The following TRIM46 variants were observed in gnomAD, a reference collection of about 807,000 sequenced individuals.
The protein encoded by TRIM46 is tripartite motif-containing protein 46.
In TRIM46, 17 loss-of-function variants were observed where a neutral mutation model predicts 69.7. That is an observed-to-expected ratio of 0.24 (90% CI 0.17 to 0.37). TRIM46 has a LOEUF of 0.37. Among genes scored for constraint, TRIM46 ranks in the 10% least tolerant of loss-of-function variants. TRIM46 has a pLI of 1.00. For synonymous variants in TRIM46, 391 were observed against 429.0 expected, an observed-to-expected ratio of 0.91 and a Z score of 1.09; for missense variants, 675 against 1,025.1, an observed-to-expected ratio of 0.66 and a Z score of 4.66.
At chr1:155,176,813 C>T (rs1665691792) in intron 3 of TRIM46, 119 bp from the exon 4 acceptor site, 1 of 1,289,676 alleles carries the variant, frequency 7.8e-7, no homozygotes, top group South Asian at 1.3e-5. Context: ...GGAGCACCAC[C>T]AGCGGATGTC....
At chr1:155,176,553 A>G (rs1665667897) in intron 3 of TRIM46, among the ~76,000 whole-genome samples, 1 of 152,266 alleles carries the variant, frequency 6.6e-6, no homozygotes, top group Non-Finnish European at 1.5e-5. Flanking sequence ...GCATTCACTC[A>G]CTGAACAAAT....
Position 155,181,197 on chromosome 1 carries a change from G to T in TRIM46, c.1589-655G>T, listed in dbSNP as rs974205470. Among the ~76,000 whole-genome samples, 1 of 152,158 alleles carries T rather than the reference G, an allele frequency of 6.6e-6. No individual in the cohort carries two copies. The highest frequency in any genetic ancestry group is 2.4e-5 in the African/African-American group (1 of 41,414). On this transcript the variant is annotated intron_variant, in intron 8 of 9. Coordinates refer to ENST00000334634, the MANE Select transcript of TRIM46 (RefSeq NM_025058.5). This position sits in a 1 kb window ranked among gnomAD's most constrained non-coding sequence, Gnocchi z 4.3. ...AGGGGTTGCAGTGAGCCAAGATTGC[G>T]CCACTGCACTCCAGCCTGGGGAACA...
intron 8 of TRIM46, chr1:155,180,290 G>T: frequency 2.9e-6 from 1 of 342,364 alleles, no homozygotes; most frequent in South Asian, 9.2e-5. Flanking sequence ...AACACAGCGA[G>T]ACCCGATCTC....
intron 4 of TRIM46, 55 bp downstream of exon 4, chr1:155,177,130 A>T: frequency 1.9e-6 from 3 of 1,613,564 alleles, no homozygotes; most frequent in Non-Finnish European, 2.5e-6. Context: ...ACCCTCTTGC[A>T]CCTCCTCCCA....
rs575185259 is a variant in TRIM46 at position 155,181,423 on chromosome 1, C to A, written c.1589-429C>A. ...CCAGGGGGTGGGCATAAGAGGGAAG[C>A]CTTGCCACCCAAATAGGGGCTGGGT... On this transcript the variant is annotated intron_variant, in intron 8 of 9. Transcript: ENST00000334634. The surrounding 1 kb of genome is among the most constrained non-coding windows in gnomAD (Gnocchi z 4.3). 6.6e-6 allele frequency among the ~76,000 whole-genome samples: 1 copy of A among 152,152 alleles called. No individual in the cohort carries two copies. Among genetic ancestry groups the A allele is most frequent in the South Asian group, 2.1e-4 (1 of 4,810 alleles).
At chr1:155,178,318 C>T in intron 6 of TRIM46, 63 bp downstream of exon 6, 1 of 1,559,412 alleles carries the variant, frequency 6.4e-7, no homozygotes, top group Non-Finnish European at 8.7e-7. Context: ...ACATCTAGGA[C>T]AATGTCTACA....
rs772925930 is a variant in TRIM46 at position 155,179,882 on chromosome 1, C to T, written c.1536C>T (p.Ala512=). 50 of 1,608,552 alleles carry T rather than the reference C, an allele frequency of 3.1e-5. No individual in the cohort carries two copies. The highest frequency in any genetic ancestry group is 5.3e-5 in the African/African-American group (4 of 74,872). ...YVLRVRGCNK[A]GYGEYSEDVH... ...TGCGTGTCCGCGGCTGCAACAAGGCCGGCTACGGCGAATACAGTGAAGATG... is the reference window on the plus strand; with the variant it reads ...TGCGTGTCCGCGGCTGCAACAAGGCTGGCTACGGCGAATACAGTGAAGATG... Residue 512 remains alanine, a synonymous_variant, in exon 8 of 10, where the codon GCC becomes GCT. Transcript: ENST00000334634.
intron 8 of TRIM46, chr1:155,180,553 C>A: frequency 3.2e-6 from 1 of 311,416 alleles, no homozygotes; most frequent in Non-Finnish European, 5.9e-6. Context: ...TGAGATCGCG[C>A]CACTGGACTC....
rs1666196815 is a variant in TRIM46, at chr1:155,181,859, C to T, written c.1596C>T (p.His532=). 6.2e-7 allele frequency: 1 copy of T among 1,610,538 alleles called. No individual in the cohort carries two copies. The highest frequency in any genetic ancestry group is 8.5e-7 in the Non-Finnish European group (1 of 1,177,412). Residue 532 remains histidine, a synonymous_variant, in exon 9 of 10, where the codon CAC becomes CAT. Coordinates refer to ENST00000334634, the MANE Select transcript of TRIM46 (RefSeq NM_025058.5). This position sits in a 1 kb window ranked among gnomAD's most constrained non-coding sequence, Gnocchi z 4.3. ...HLHTPPAPVL[H]FFLDSRWGAS... is the part of the protein sequence containing the mutation. ...CCCTCTCCCTCCTTCCAGTCCTGCACTTCTTCCTCGATAGCCGCTGGGGCG... is the reference window on the plus strand; with the variant it reads ...CCCTCTCCCTCCTTCCAGTCCTGCATTTCTTCCTCGATAGCCGCTGGGGCG...
At position 155,175,249 on chromosome 1, in the gene TRIM46, G is replaced by A; in HGVS notation, c.64-137G>A. ...GGGAAGGTCTGTGAACCAGCCCAAGGCAGGTGCTCTGGAAAAGCTGCAGGT... is the reference window on the plus strand; with the variant it reads ...GGGAAGGTCTGTGAACCAGCCCAAGACAGGTGCTCTGGAAAAGCTGCAGGT... On this transcript the variant is annotated intron_variant, in intron 1 of 9. Transcript: ENST00000334634. This position sits in a 1 kb window ranked among gnomAD's most constrained non-coding sequence, Gnocchi z 4.2. The A allele has an allele frequency of 2.0e-6, 3 of 1,530,470 alleles. No homozygotes were observed. The highest frequency in any genetic ancestry group is 2.6e-6 in the Non-Finnish European group (3 of 1,149,592). The allele number at this position is 1,530,470 out of a possible 1,614,324, so 94.8% of individuals were successfully genotyped here. A position where few individuals can be genotyped will look rare whatever the true frequency, so the allele number is the denominator to read the frequency against.
Position 155,178,035 on chromosome 1 carries a change from C to A in TRIM46, c.943C>A (p.Gln315Lys). 1 of 1,613,578 alleles carries A rather than the reference C, an allele frequency of 6.2e-7. No homozygotes were observed. Among genetic ancestry groups the A allele is most frequent in the Non-Finnish European group, 8.5e-7 (1 of 1,179,964 alleles). Residue 315 changes from glutamine (Q) to lysine (K), a missense_variant, in exon 6 of 10, where the codon CAG becomes AAG. Gln to Lys is a moderately conservative substitution (Grantham distance 53). Around this residue, in one of 5 missense-constraint regions of TRIM46, gnomAD observed 361 missense variants for 498.3 expected, o/e 0.72. Coordinates refer to ENST00000334634, the MANE Select transcript of TRIM46 (RefSeq NM_025058.5). Reference protein sequence around the residue: ...SGQQAKEEVSQLVRGLGAVLE... With the variant: ...SGQQAKEEVSKLVRGLGAVLE... Reference sequence around the variant, plus strand: ...TCAGCAGGCCAAGGAGGAGGTGTCGCAGCTGGTGCGGGGGCTGGGGGCTGT... The same window carrying A: ...TCAGCAGGCCAAGGAGGAGGTGTCGAAGCTGGTGCGGGGGCTGGGGGCTGT...
At position 155,178,140 on chromosome 1, in the gene TRIM46, A is replaced by C; in HGVS notation, c.1048A>C (p.Ile350Leu). 1 of 1,614,136 alleles carries C rather than the reference A, an allele frequency of 6.2e-7. No homozygotes were observed. The highest frequency in any genetic ancestry group is 8.5e-7 in the Non-Finnish European group (1 of 1,180,006). Residue 350 changes from isoleucine (I) to leucine (L), a missense_variant, in exon 6 of 10, where the codon ATC (isoleucine) becomes CTC (leucine). Ile to Leu is a conservative substitution (Grantham distance 5, BLOSUM62 2). Around this residue, in one of 5 missense-constraint regions of TRIM46, gnomAD observed 361 missense variants for 498.3 expected, o/e 0.72. Transcript: ENST00000334634. ...GCGGCTGGCCCGTCTCAGCGCCCAG[A>C]TCCAGGAGCACCGGAGCCTGCTGGA... ...QERLARLSAQ[I>L]QEHRSLLDGS...
In TRIM46 at chr1:155,178,936, T is replaced by C. The variant is rs933680907; in HGVS notation, c.1285+323T>C. 5 of 958,154 alleles carry C rather than the reference T, an allele frequency of 5.2e-6. No individual in the cohort carries two copies. In the Admixed American group the frequency reaches 1.2e-4, roughly 23 times the overall value. 59.4% of individuals were successfully genotyped at this position (958,154 alleles called of 1,614,324 possible). On this transcript the variant is annotated intron_variant, in intron 7 of 9. Coordinates refer to ENST00000334634, the MANE Select transcript of TRIM46 (RefSeq NM_025058.5). ...CCCACGCATCTCAGCCAACCACTCA[T>C]TGCTTCCTTCTCTTTCCTGCCTTGC... is the stretch of plus-strand genomic sequence containing the variant.
chr1:155,178,948 CTT>C lies in TRIM46; in HGVS notation c.1285+337_1285+338del, dbSNP rs900551722. The C allele has an allele frequency of 8.1e-6, 7 of 865,984 alleles. No homozygotes were observed. In the African/African-American group the frequency reaches 1.2e-4, roughly 15 times the overall value. 53.6% of individuals were successfully genotyped at this position (865,984 alleles called of 1,614,324 possible). ...AGCCAACCACTCATTGCTTCCTTCT[CTT>C]TCCTGCCTTGCCCCGACCTCGTGGT... On this transcript the variant is annotated intron_variant, in intron 7 of 9. Coordinates refer to ENST00000334634, the MANE Select transcript of TRIM46 (RefSeq NM_025058.5).
rs1311447562 is a variant in TRIM46 at position 155,175,801 on chromosome 1, A to G, written c.326-87A>G. The G allele has an allele frequency of 1.5e-5, 24 of 1,571,302 alleles. No homozygotes were observed. Among genetic ancestry groups the G allele is most frequent in the Non-Finnish European group, 2.1e-5 (24 of 1,154,676 alleles). The stretch of plus-strand genomic sequence containing the variant: ...TCTAATGAGAGCTGAGCTCTGGCAC[A>G]ATGAAAATCTAATTTAATTAAACAG... On this transcript the variant is annotated intron_variant, in intron 2 of 9. Coordinates refer to ENST00000334634, the MANE Select transcript of TRIM46 (RefSeq NM_025058.5). The surrounding 1 kb of genome is among the most constrained non-coding windows in gnomAD (Gnocchi z 4.2).
chr1:155,176,026 G>A lies in TRIM46; in HGVS notation c.464G>A (p.Arg155His), dbSNP rs893967243. 2.0e-5 allele frequency: 32 copies of A among 1,614,032 alleles called. No homozygotes were observed. The highest frequency in any genetic ancestry group is 4.5e-5 in the East Asian group (2 of 44,904). Reference protein sequence around the residue: ...AGLFRNLTLERVVERYRQSVS... With the variant: ...AGLFRNLTLEHVVERYRQSVS... ...CTTTTCCGGAACCTGACCCTGGAGCGTGTGGTGGAGCGGTACCGCCAGAGT... is the reference window on the plus strand; with the variant it reads ...CTTTTCCGGAACCTGACCCTGGAGCATGTGGTGGAGCGGTACCGCCAGAGT... Residue 155 changes from arginine to histidine, a missense_variant, in exon 3 of 10, where the codon CGT becomes CAT. Arg to His is a conservative substitution (Grantham distance 29, BLOSUM62 0). Transcript: ENST00000334634.
At position 155,184,445 on chromosome 1, in the gene TRIM46, A is replaced by C; in HGVS notation, c.*255A>C. 2 of 495,182 alleles carry C rather than the reference A, an allele frequency of 4.0e-6. No individual in the cohort carries two copies. The highest frequency in any genetic ancestry group is 2.8e-5 in the South Asian group (1 of 36,172). The allele number at this position is 495,182 out of a possible 1,614,324, so 30.7% of individuals were successfully genotyped here. A position where few individuals can be genotyped will look rare whatever the true frequency, so the allele number is the denominator to read the frequency against. On this transcript the variant is annotated 3_prime_UTR_variant, in exon 10 of 10. Coordinates refer to ENST00000334634, the MANE Select transcript of TRIM46 (RefSeq NM_025058.5). The surrounding 1 kb of genome is among the most constrained non-coding windows in gnomAD (Gnocchi z 5.6). ...CCACCCCCACTGAGTCTGCCCTATGACCTGCCTTTGGCATGTTACCCAAGC... is the reference window on the plus strand; with the variant it reads ...CCACCCCCACTGAGTCTGCCCTATGCCCTGCCTTTGGCATGTTACCCAAGC...
chr1:155,181,755 C>G lies in TRIM46; in HGVS notation c.1589-97C>G, dbSNP rs1406188497. 6 of 1,394,046 alleles carry G rather than the reference C, an allele frequency of 4.3e-6. No homozygotes were observed. In the East Asian group the frequency reaches 1.4e-4, roughly 32 times the overall value. 86.4% of individuals were successfully genotyped at this position (1,394,046 alleles called of 1,614,324 possible). On this transcript the variant is annotated intron_variant, in intron 8 of 9. Transcript: ENST00000334634. This position sits in a 1 kb window ranked among gnomAD's most constrained non-coding sequence, Gnocchi z 4.3. ...TGCCTGTTCCTGGTGACTGAACCCCCTTGCAACGCGTTCCCTGTTCTGCAG... is the reference window on the plus strand; with the variant it reads ...TGCCTGTTCCTGGTGACTGAACCCCGTTGCAACGCGTTCCCTGTTCTGCAG...
intron 9 of TRIM46, chr1:155,182,652 C>T (rs1378742645): frequency 1.8e-5 from 3 of 170,450 alleles, no homozygotes; most frequent in Non-Finnish European, 3.8e-5. Context: ...ACCAGCTTGA[C>T]CAACATGGAG....
Sources: allele counts gnomAD v4.1 joint callset (sites outside exome capture counted in the v4.1 genomes callset), GRCh38; gene constraint gnomAD v4.1.1; regional missense constraint gnomAD v4.1.1; non-coding constraint Gnocchi (gnomAD v3.1); transcripts MANE v1.5; gene names NCBI Gene and HGNC (gene_info 2026-07-23, HGNC 2026-07-21).